Variants in ADCY2 observed in about 807,000 individuals in gnomAD.
The protein encoded by ADCY2 is adenylate cyclase 2, also known as adenylate cyclase type 2.
In ADCY2, 31 loss-of-function variants were observed where a neutral mutation model predicts 125.2. That is an observed-to-expected ratio of 0.25 (90% CI 0.19 to 0.33). The LOEUF is 0.33. Ranked by LOEUF, ADCY2 falls within the 10% of genes least tolerant of loss-of-function variation. ADCY2 has a pLI of 1.00. For synonymous variants in ADCY2, 512 were observed against 548.4 expected (o/e 0.93, Z 0.93); for missense variants, 904 against 1,418.2 (o/e 0.64, Z 5.82).
intron 2 of ADCY2, among the ~76,000 whole-genome samples, chr5:7,492,626 GTTA>G (rs2126490582): frequency 6.6e-6 from 1 of 151,760 alleles, no homozygotes; most frequent in Non-Finnish European, 1.5e-5. Context: ...AGATTCCTAA[GTTA>G]AACACTGGGG....
At position 7,810,387 on chromosome 5, in the gene ADCY2, T is replaced by A. The variant is rs1056867449; in HGVS notation, c.2883+5695T>A. On this transcript the variant is annotated intron_variant, in intron 22 of 24. Transcript: ENST00000338316. Reference sequence around the variant, plus strand: ...CTGCTTGATTGGTGAGTTTTCTACCTGATGGGTGGGTTATCTGCCTGATGG... The same window carrying A: ...CTGCTTGATTGGTGAGTTTTCTACCAGATGGGTGGGTTATCTGCCTGATGG... Among the ~76,000 whole-genome samples, 3 of 152,114 alleles carry A rather than the reference T, an allele frequency of 2.0e-5. No individual in the cohort carries two copies. The East Asian group carries it at 5.8e-4, about 30-fold the overall frequency.
intron 12 of ADCY2, among the ~76,000 whole-genome samples, chr5:7,720,788 G>A (rs1211096510): frequency 3.3e-5 from 5 of 152,080 alleles, no homozygotes; most frequent in Admixed American, 6.5e-5. Flanking sequence ...TCTTAATCCA[G>A]TCTATCACTG....
intron 3 of ADCY2, among the ~76,000 whole-genome samples, chr5:7,581,029 G>C (rs541470212): frequency 1.3e-5 from 2 of 152,178 alleles, no homozygotes; most frequent in Non-Finnish European, 2.9e-5. Context: ...CAGTAACTAA[G>C]AGCATTATTC....
chr5:7,544,194 G>A (rs1735083813), intron 3 of ADCY2, among the ~76,000 whole-genome samples: 1 of 152,096 alleles, frequency 6.6e-6, no homozygotes, highest in Non-Finnish European at 1.5e-5. Flanking sequence ...AGATCCTGCA[G>A]AGCTATTGAG....
At chr5:7,705,374 C>A (rs926290285) in intron 7 of ADCY2, among the ~76,000 whole-genome samples, 5 of 152,238 alleles carry the variant, frequency 3.3e-5, no homozygotes, top group African/African-American at 1.2e-4. Flanking sequence ...GCCCTCAGGG[C>A]AGTTACAGGA....
intron 7 of ADCY2, among the ~76,000 whole-genome samples, chr5:7,703,339 AG>A (rs1741152586): frequency 6.6e-6 from 1 of 152,168 alleles, no homozygotes; most frequent in South Asian, 2.1e-4. Context: ...GTTTTCTTCT[AG>A]GGTTTTTATG....
intron 10 of ADCY2, among the ~76,000 whole-genome samples, chr5:7,712,062 C>G (rs1741458368): frequency 6.6e-6 from 1 of 152,144 alleles, no homozygotes. Context: ...TAATACAGTA[C>G]TTTACTGTAT....
chr5:7,797,153 TTGGGGTTTCAATA>T (rs1305902197), intron 20 of ADCY2: 1 of 152,250 alleles, frequency 6.6e-6, no homozygotes, highest in African/African-American at 2.4e-5. Context: ...TAGCATGCCC[TTGGGGTTTCAATA>T]GACGCTTCTG....
chr5:7,561,504 A>G (rs1216282927), intron 3 of ADCY2, among the ~76,000 whole-genome samples: 1 of 152,054 alleles, frequency 6.6e-6, no homozygotes, highest in Non-Finnish European at 1.5e-5. Flanking sequence ...CTATCATTGT[A>G]TATGTGATTT....
intron 7 of ADCY2, among the ~76,000 whole-genome samples, chr5:7,699,070 C>CAACAGTAG (rs1554033244): frequency 8.9e-6 from 1 of 112,548 alleles, no homozygotes. Context: ...AGTCAGGAAA[C>CAACAGTAG]AACAGTAAGC....
chr5:7,496,256 T>C (rs1177953014), intron 2 of ADCY2, among the ~76,000 whole-genome samples: 2 of 152,198 alleles, frequency 1.3e-5, no homozygotes, highest in Non-Finnish European at 2.9e-5. Context: ...ATACACTTTA[T>C]AAAATGTTTA....
chr5:7,800,024 C>G (rs977943094), intron 20 of ADCY2: 6 of 152,234 alleles, frequency 3.9e-5, no homozygotes, highest in Non-Finnish European at 5.9e-5. Context: ...CCAAACTGAG[C>G]AGTGAAGCCC....
At chr5:7,747,704 G>A (rs942456394) in intron 15 of ADCY2, among the ~76,000 whole-genome samples, 1 of 152,092 alleles carries the variant, frequency 6.6e-6, no homozygotes, top group East Asian at 1.9e-4. Context: ...TGAAGAGCCC[G>A]CCTTTGCACC....
chr5:7,826,519 A>C, intron 24 of ADCY2, 200 bp from the exon 25 acceptor site: 2 of 701,230 alleles, frequency 2.9e-6, no homozygotes, highest in Non-Finnish European at 5.0e-6. Context: ...GTTTTTCACT[A>C]TCCCAGCGCT....
chr5:7,602,695 G>A (rs555170635), intron 3 of ADCY2, among the ~76,000 whole-genome samples: 1 of 152,256 alleles, frequency 6.6e-6, no homozygotes, highest in East Asian at 1.9e-4. Flanking sequence ...TTTAAGGTAT[G>A]CCACATACAT....
intron 15 of ADCY2, among the ~76,000 whole-genome samples, chr5:7,751,808 G>T (rs1742833453): frequency 6.6e-6 from 1 of 152,064 alleles, no homozygotes; most frequent in Non-Finnish European, 1.5e-5. Context: ...AAGTGCCATA[G>T]CCTGAGTCCT....
At chr5:7,482,806 A>T (rs1357087702) in intron 2 of ADCY2, among the ~76,000 whole-genome samples, 1 of 149,448 alleles carries the variant, frequency 6.7e-6, no homozygotes, top group Non-Finnish European at 1.5e-5. Flanking sequence ...ACACACATAC[A>T]TATATACATA....
chr5:7,822,318 C>T (rs1261091624), intron 24 of ADCY2, among the ~76,000 whole-genome samples: 1 of 152,102 alleles, frequency 6.6e-6, no homozygotes, highest in Admixed American at 6.6e-5. Flanking sequence ...ATCATTGAAC[C>T]CACACCCAAA....
At chr5:7,488,142 T>C (rs988160447) in intron 2 of ADCY2, among the ~76,000 whole-genome samples, 4 of 152,162 alleles carry the variant, frequency 2.6e-5, no homozygotes, top group African/African-American at 7.2e-5. Flanking sequence ...CAGGTGGAGA[T>C]GACTGACTCA....
Sources: gnomAD v4.1 joint callset for allele counts (sites outside exome capture counted in the v4.1 genomes callset) on GRCh38, gnomAD v4.1.1 for gene constraint, MANE v1.5 for transcripts, NCBI Gene and HGNC (gene_info 2026-07-23, HGNC 2026-07-21) for gene names.